Variants in TPD52L1 observed in about 807,000 individuals in gnomAD.
The protein encoded by TPD52L1 is TPD52 like 1.
In TPD52L1, 18 loss-of-function variants were observed where a neutral mutation model predicts 28.7. The observed-to-expected ratio is 0.63, with a 90% CI of 0.43 to 0.93. TPD52L1 has a LOEUF of 0.93. Ranked by LOEUF, TPD52L1 falls within the 40% of genes least tolerant of loss-of-function variation. The pLI is 0.00. For missense variants in TPD52L1, 203 were observed against 254.8 expected (o/e 0.80, Z 1.39); for synonymous variants, 75 against 88.8 (o/e 0.84, Z 0.88).
intron 2 of TPD52L1, among the ~76,000 whole-genome samples, chr6:125,222,686 G>A (rs1304058401): frequency 1.3e-5 from 2 of 152,226 alleles, no homozygotes; most frequent in African/African-American, 4.8e-5. Context: ...ATAACAGGCA[G>A]CTGTGACCTA....
Position 125,262,903 on chromosome 6 carries a change from A to G in TPD52L1, c.556A>G (p.Ser186Gly). Reference sequence around the variant, plus strand: ...GGTCCTCAGCTCCACGGCCCATGCCAGTGCCCAGAGCTTGGCAGGAGGCTC... The same window carrying G: ...GGTCCTCAGCTCCACGGCCCATGCCGGTGCCCAGAGCTTGGCAGGAGGCTC... ...EEVLSSTAHA[S>G]AQSLAGGSRR... Residue 186 changes from serine to glycine, a missense_variant, in exon 7 of 7, where the codon AGT (serine) becomes GGT (glycine). Coordinates refer to ENST00000534000, the MANE Select transcript of TPD52L1 (RefSeq NM_003287.4). 6.2e-7 allele frequency: 1 copy of G among 1,614,224 alleles called. No individual in the cohort carries two copies. Among genetic ancestry groups the G allele is most frequent in the Non-Finnish European group, 8.5e-7 (1 of 1,180,016 alleles).
At chr6:125,224,816 AAGCTAATTCATT>A (rs1224852402) in intron 2 of TPD52L1, among the ~76,000 whole-genome samples, 2 of 152,232 alleles carry the variant, frequency 1.3e-5, no homozygotes, top group Non-Finnish European at 2.9e-5. Context: ...TTTCATACTG[AAGCTAATTCATT>A]AGCTAATTCA....
intron 1 of TPD52L1, among the ~76,000 whole-genome samples, chr6:125,219,217 G>C (rs1381344558): frequency 6.6e-6 from 1 of 152,158 alleles, no homozygotes. Flanking sequence ...GAGAACACAG[G>C]CATTTGAGTC....
At chr6:125,209,020 T>A (rs1274031039) in intron 1 of TPD52L1, 2 of 867,892 alleles carry the variant, frequency 2.3e-6, no homozygotes, top group Non-Finnish European at 2.8e-6. Flanking sequence ...ATCTCTACCA[T>A]GTGCCTCTGA....
intron 2 of TPD52L1, among the ~76,000 whole-genome samples, chr6:125,228,048 A>G (rs1795719912): frequency 6.6e-6 from 1 of 152,234 alleles, no homozygotes; most frequent in Non-Finnish European, 1.5e-5. Context: ...GGGAAGAACC[A>G]TTGATAATGC....
At chr6:125,225,406 T>C (rs1795545576) in intron 2 of TPD52L1, among the ~76,000 whole-genome samples, 1 of 152,190 alleles carries the variant, frequency 6.6e-6, no homozygotes, top group South Asian at 2.1e-4. Flanking sequence ...AATTCTGTGT[T>C]TAACTTTCTG....
intron 3 of TPD52L1, among the ~76,000 whole-genome samples, chr6:125,238,837 CA>C (rs1796441237): frequency 6.6e-6 from 1 of 152,198 alleles, no homozygotes; most frequent in South Asian, 2.1e-4. Context: ...CTTCCTACCA[CA>C]GTTATATTTT....
intron 3 of TPD52L1, among the ~76,000 whole-genome samples, chr6:125,235,101 C>CAATAATGATAATAATAAT (rs1554214567): frequency 5.6e-5 from 8 of 142,548 alleles, no homozygotes; most frequent in Non-Finnish European, 1.1e-4. Context: ...CTACAAATAA[C>CAATAATGATAATAATAAT]AATAATAATA....
intron 1 of TPD52L1, chr6:125,219,756 CTGCCCTTACGCCTCA>C (rs1795105340): frequency 2.7e-6 from 1 of 372,324 alleles, no homozygotes; most frequent in Admixed American, 3.7e-5. Context: ...GCTTTGTCCT[CTGCCCTTACGCCTCA>C]TGAGACAGTG....
In TPD52L1 at chr6:125,220,060, T is replaced by A. The variant is rs1428405070; in HGVS notation, c.20-18T>A. The A allele has an allele frequency of 6.3e-7, 1 of 1,585,940 alleles. No individual in the cohort carries two copies. Among genetic ancestry groups the A allele is most frequent in the African/African-American group, 1.3e-5 (1 of 74,426 alleles). The stretch of plus-strand genomic sequence containing the variant: ...TCACTTTAAAAATTGCCTTCTGTTT[T>A]ATCAATTCTGCCTAAAGGTTTGTTG... On this transcript the variant is annotated intron_variant, in intron 1 of 6. Transcript: ENST00000534000.
chr6:125,185,894 A>ATTTT (rs536833440), intron 1 of TPD52L1, among the ~76,000 whole-genome samples: 46,161 of 129,950 alleles, frequency 0.36, 8,810 homozygotes, highest in Admixed American at 0.48. Flanking sequence ...TGGAAATTTG[A>ATTTT]TTTTTTTTTT....
At chr6:125,211,744 T>C (rs868612640) in intron 1 of TPD52L1, among the ~76,000 whole-genome samples, 1 of 152,192 alleles carries the variant, frequency 6.6e-6, no homozygotes, top group South Asian at 2.1e-4. Flanking sequence ...ATCTTAGCAT[T>C]TGAAGCCTCT....
At chr6:125,256,963 G>C (rs1244744311) in intron 5 of TPD52L1, 135 bp from the exon 6 acceptor site, 5 of 638,002 alleles carry the variant, frequency 7.8e-6, no homozygotes, top group Non-Finnish European at 1.3e-5. Flanking sequence ...TTAAAACGTG[G>C]TTGGTGCAGG....
chr6:125,194,384 G>A (rs1793276110), intron 1 of TPD52L1, among the ~76,000 whole-genome samples: 1 of 152,152 alleles, frequency 6.6e-6, no homozygotes, highest in South Asian at 2.1e-4. Flanking sequence ...CAAGAAAGTA[G>A]TGTTTTCTTC....
intron 3 of TPD52L1, among the ~76,000 whole-genome samples, chr6:125,235,501 G>C (rs1796210392): frequency 6.6e-6 from 1 of 152,142 alleles, no homozygotes; most frequent in Non-Finnish European, 1.5e-5. Context: ...GCTGTCCTGG[G>C]CCACATGTGA....
intron 1 of TPD52L1, among the ~76,000 whole-genome samples, chr6:125,172,539 T>TATATATATATAATATATATATATATA (rs1791528783): frequency 4.2e-5 from 4 of 95,024 alleles, no homozygotes; most frequent in African/African-American, 1.8e-4. Flanking sequence ...TATATATATA[T>TATATATATATAATATATATATATATA]ATATATATAT....
At chr6:125,247,181 C>T (rs2115033392) in intron 3 of TPD52L1, among the ~76,000 whole-genome samples, 1 of 152,120 alleles carries the variant, frequency 6.6e-6, no homozygotes, top group Non-Finnish European at 1.5e-5. Context: ...TGTTTTCTTA[C>T]AGATACCATA....
chr6:125,215,655 G>A (rs973959141), intron 1 of TPD52L1, among the ~76,000 whole-genome samples: 3 of 152,178 alleles, frequency 2.0e-5, no homozygotes, highest in Non-Finnish European at 2.9e-5. Flanking sequence ...GGCCAGTTCA[G>A]AGTTTCTCAC....
chr6:125,220,053 T>C lies in TPD52L1; in HGVS notation c.20-25T>C, dbSNP rs777360394. On this transcript the variant is annotated intron_variant, in intron 1 of 6. Coordinates refer to ENST00000534000, the MANE Select transcript of TPD52L1 (RefSeq NM_003287.4). ...TTTAAATTCACTTTAAAAATTGCCT[T>C]CTGTTTTATCAATTCTGCCTAAAGG... is the stretch of plus-strand genomic sequence containing the variant. 5.7e-5 allele frequency: 89 copies of C among 1,553,572 alleles called. No homozygotes were observed. The South Asian group carries it at 9.6e-4, about 17-fold the overall frequency.
Sources: gnomAD v4.1 joint callset for allele counts (sites outside exome capture counted in the v4.1 genomes callset) on GRCh38, gnomAD v4.1.1 for gene constraint, MANE v1.5 for transcripts, NCBI Gene and HGNC (gene_info 2026-07-23, HGNC 2026-07-21) for gene names.